RCBTB1: variants seen among roughly 807,000 people sequenced by gnomAD.
The protein encoded by RCBTB1 is RCC1 and BTB domain containing protein 1, also known as RCC1 and BTB domain-containing protein 1.
RCBTB1 carries 46 observed loss-of-function variants against 62.4 expected under a neutral mutation model. The ratio of observed to expected loss-of-function variants is 0.74; its 90% CI spans 0.58 to 0.94. The LOEUF is 0.94. Ranked by LOEUF, RCBTB1 falls within the 40% of genes least tolerant of loss-of-function variation. RCBTB1 has a pLI of 0.00. For synonymous variants in RCBTB1, 222 were observed against 245.8 expected, an observed-to-expected ratio of 0.90 and a Z score of 0.91; for missense variants, 565 against 654.9, an observed-to-expected ratio of 0.86 and a Z score of 1.50.
chr13:49,556,352 G>A (rs937330722), intron 5 of RCBTB1, among the ~76,000 whole-genome samples: 4 of 151,624 alleles, frequency 2.6e-5, no homozygotes, highest in African/African-American at 7.3e-5. Context: ...CACCATGCCC[G>A]GCTAATTTTT....
rs144109204 is a variant in RCBTB1, at chr13:49,555,792, G to A, written c.445-119C>T. Reference sequence around the variant, plus strand: ...AATGAGTACTTAAGATGTGCTAAACGGTTCTATATGCTTTACACACATTAA... The same window carrying A: ...AATGAGTACTTAAGATGTGCTAAACAGTTCTATATGCTTTACACACATTAA... On this transcript the variant is annotated intron_variant, in intron 5 of 12. Coordinates refer to ENST00000378302, the MANE Select transcript of RCBTB1 (RefSeq NM_018191.4). The A allele has an allele frequency of 7.8e-4, 572 of 736,244 alleles. 1 individual carries two copies. In the African/African-American group the frequency reaches 8.7e-3, roughly 11 times the overall value. The allele number at this position is 736,244 out of a possible 1,614,324, so 45.6% of individuals were successfully genotyped here. A position where few individuals can be genotyped will look rare whatever the true frequency, so the allele number is the denominator to read the frequency against.
chr13:49,538,908 CAG>C lies in RCBTB1; in HGVS notation c.1455+1966_1455+1967del, dbSNP rs780321910. Among the ~76,000 whole-genome samples the C allele has an allele frequency of 1.6e-3, 234 of 142,004 alleles. 1 individual carries two copies. Among genetic ancestry groups the C allele is most frequent in the Non-Finnish European group, 3.1e-3 (206 of 66,082 alleles). 93.2% of individuals were successfully genotyped at this position (142,004 alleles called of 152,430 possible). ...TTTAACTTTTTTTTTTTTTTTGAGA[CAG>C]AGTCTTGCTCTGTTGCCCAGGCTGG... is the stretch of plus-strand genomic sequence containing the variant. On this transcript the variant is annotated intron_variant, in intron 12 of 12. Transcript: ENST00000378302.
chr13:49,547,098 G>T (rs902070193), intron 9 of RCBTB1: 1 of 1,283,080 alleles, frequency 7.8e-7, no homozygotes, highest in Non-Finnish European at 1.0e-6. Context: ...CTTCAGCTGG[G>T]TATGCCATAC....
rs1437313241 is a variant in RCBTB1, at chr13:49,532,591, A to G, written c.*1531T>C. 6.6e-6 allele frequency: 1 copy of G among 152,490 alleles called. No homozygotes were observed. The highest frequency in any genetic ancestry group is 1.5e-5 in the Non-Finnish European group (1 of 68,026). The allele number at this position is 152,490 out of a possible 1,614,324, so 9.4% of individuals were successfully genotyped here. ...TTCAATCACTTGTGATATGGTCAAG[A>G]AAAGGGGGCTGGGGCTCCTAGGCTT... On this transcript the variant is annotated 3_prime_UTR_variant, in exon 13 of 13. Transcript: ENST00000378302.
chr13:49,559,980 TG>T lies in RCBTB1; in HGVS notation c.381del (p.Lys128SerfsTer6), dbSNP rs1224154979. 6.2e-7 allele frequency: 1 copy of T among 1,614,054 alleles called. No individual in the cohort carries two copies. The highest frequency in any genetic ancestry group is 8.5e-7 in the Non-Finnish European group (1 of 1,180,028). Reference protein sequence around the residue: ...APVQVCTNLLIKQVVEVACGS... With the variant: ...APVQVCTNLLXKQVVEVACGS... ...CCACAAGCTACTTCCACCACTTGCT[TG>T]ATCAAGAGATTGGTACAGACCTGGA... On this transcript the variant is annotated frameshift_variant, in exon 5 of 13. Coordinates refer to ENST00000378302, the MANE Select transcript of RCBTB1 (RefSeq NM_018191.4). LOFTEE classifies it high-confidence loss of function.
At chr13:49,567,054 T>C (rs1963068697) in intron 3 of RCBTB1, 100 bp downstream of exon 3, 2 of 1,155,338 alleles carry the variant, frequency 1.7e-6, no homozygotes, top group African/African-American at 3.1e-5. Flanking sequence ...CAGGATCTCT[T>C]TATTTATACC....
chr13:49,538,338 G>A lies in RCBTB1; in HGVS notation c.1455+2538C>T, dbSNP rs144422503. 3.7e-3 allele frequency among the ~76,000 whole-genome samples: 560 copies of A among 152,264 alleles called. 4 individuals carry two copies. The highest frequency in any genetic ancestry group is 0.012 in the African/African-American group (502 of 41,536). ...CCAGAACTTCATTCATGTACTCACT[G>A]TATCTTGTAGCATTCAGGAAATAAA... On this transcript the variant is annotated intron_variant, in intron 12 of 12. Coordinates refer to ENST00000378302, the MANE Select transcript of RCBTB1 (RefSeq NM_018191.4).
intron 12 of RCBTB1, chr13:49,539,549 CAAG>C (rs1395616064): frequency 6.6e-6 from 1 of 152,094 alleles, no homozygotes; most frequent in African/African-American, 2.4e-5. Context: ...AACTCGTTAA[CAAG>C]GAGGAGGAGC....
chr13:49,561,344 T>A (rs1289525007), intron 4 of RCBTB1, among the ~76,000 whole-genome samples: 1 of 152,172 alleles, frequency 6.6e-6, no homozygotes, highest in Non-Finnish European at 1.5e-5. Context: ...AGAGTCCTCT[T>A]CCAGGTGACA....
At chr13:49,582,719 G>C (rs774686105) in intron 1 of RCBTB1, among the ~76,000 whole-genome samples, 2 of 152,178 alleles carry the variant, frequency 1.3e-5, no homozygotes, top group Non-Finnish European at 2.9e-5. Flanking sequence ...GCTTTCTCCA[G>C]TATTTACTGT....
chr13:49,552,345 C>CA, intron 6 of RCBTB1, 60 bp from the exon 7 acceptor site: 1 of 1,052,612 alleles, frequency 9.5e-7, no homozygotes, highest in East Asian at 2.6e-5. Flanking sequence ...AAGGAAGAGA[C>CA]AAAAAAACCA....
At chr13:49,558,718 T>A (rs67565206) in intron 5 of RCBTB1, among the ~76,000 whole-genome samples, 30,344 of 136,522 alleles carry the variant, frequency 0.22, 4,737 homozygotes, top group African/African-American at 0.42. Context: ...AAAAAAAAAA[T>A]TCACAAAGTA....
chr13:49,540,111 C>T (rs1181597727), intron 12 of RCBTB1, among the ~76,000 whole-genome samples: 1 of 152,202 alleles, frequency 6.6e-6, no homozygotes, highest in African/African-American at 2.4e-5. Context: ...TCTGTGAAAC[C>T]AACCATACCC....
intron 9 of RCBTB1, among the ~76,000 whole-genome samples, chr13:49,545,719 T>C (rs1960736101): frequency 6.6e-6 from 1 of 152,186 alleles, no homozygotes; most frequent in South Asian, 2.1e-4. Flanking sequence ...CTGCTATGGA[T>C]ACACGAAGCA....
chr13:49,543,123 C>T lies in RCBTB1; in HGVS notation c.1173-1296G>A, dbSNP rs149317656. On this transcript the variant is annotated intron_variant, in intron 10 of 12. Coordinates refer to ENST00000378302, the MANE Select transcript of RCBTB1 (RefSeq NM_018191.4). Reference sequence around the variant, plus strand: ...ACTTAAAATACAAAAATTAGCTGGGCGTGGTTAGTGCACGATTGTAATCCC... The same window carrying T: ...ACTTAAAATACAAAAATTAGCTGGGTGTGGTTAGTGCACGATTGTAATCCC... Among the ~76,000 whole-genome samples, 354 of 151,940 alleles carry T rather than the reference C, an allele frequency of 2.3e-3. 1 individual carries two copies. The highest frequency in any genetic ancestry group is 8.0e-3 in the African/African-American group (333 of 41,458).
In RCBTB1 at chr13:49,544,777, C is replaced by T. The variant is rs1960667946; in HGVS notation, c.1132G>A (p.Gly378Arg). The T allele has an allele frequency of 1.2e-6, 2 of 1,612,196 alleles. No homozygotes were observed. Among genetic ancestry groups the T allele is most frequent in the Non-Finnish European group, 1.7e-6 (2 of 1,178,892 alleles). ...ETADLKFRID[G>R]KYIHVHKAVL... ...GCTTTATGGACATGAATATATTTTC[C>T]ATCAATTCGAAACTTCAGATCAGCA... The change falls in exon 10 of 13, where the codon GGA becomes AGA. Residue 378 changes from glycine (G) to arginine (R), a missense_variant. Coordinates refer to ENST00000378302, the MANE Select transcript of RCBTB1 (RefSeq NM_018191.4).
chr13:49,551,528 C>A, intron 7 of RCBTB1, 60 bp from the exon 8 acceptor site: 2 of 1,592,946 alleles, frequency 1.3e-6, no homozygotes, highest in South Asian at 1.1e-5. Context: ...GGGAGAACAT[C>A]TACTTAAAGG....
At chr13:49,569,439 C>T (rs555683323) in intron 2 of RCBTB1, among the ~76,000 whole-genome samples, 4 of 144,702 alleles carry the variant, frequency 2.8e-5, no homozygotes, top group East Asian at 2.2e-4. Flanking sequence ...AGGCCAGGCA[C>T]GGTAGCTCAC....
intron 1 of RCBTB1, among the ~76,000 whole-genome samples, chr13:49,580,821 T>C (rs936394721): frequency 4.6e-5 from 7 of 152,154 alleles, no homozygotes; most frequent in Admixed American, 2.6e-4. Flanking sequence ...GGCAGAACCA[T>C]ACACTATTAA....
Sources: gnomAD v4.1 joint callset for allele counts (sites outside exome capture counted in the v4.1 genomes callset) on GRCh38, gnomAD v4.1.1 for gene constraint, MANE v1.5 for transcripts, NCBI Gene and HGNC (gene_info 2026-07-23, HGNC 2026-07-21) for gene names.